Variants in TUBGCP6 observed in about 807,000 individuals in gnomAD.
TUBGCP6 encodes the protein gamma-tubulin complex component 6.
A neutral mutation model predicts 175.8 loss-of-function variants in TUBGCP6; 161 were observed. That is an observed-to-expected ratio of 0.92 (90% CI 0.81 to 1.04). The LOEUF (loss-of-function observed/expected upper bound fraction) is 1.04, where lower values mean the gene tolerates loss of function less well. Among genes scored for constraint, TUBGCP6 ranks in the 50% least tolerant of loss-of-function variants. The pLI is 0.00. For synonymous variants in TUBGCP6, 1,173 were observed against 1,030.5 expected (o/e 1.14, Z -2.65); for missense variants, 2,572 against 2,433.0 (o/e 1.06, Z -1.20).
chr22:50,219,073 CAA>C lies in TUBGCP6; in HGVS notation c.4619_4620del (p.Phe1540Ter), dbSNP rs1280384127. On this transcript the variant is annotated frameshift_variant, in exon 20 of 25. Coordinates refer to ENST00000248846, the MANE Select transcript of TUBGCP6 (RefSeq NM_020461.4). LOFTEE classifies it high-confidence loss of function. ...EFAQSLSDLL[F>X]EKLGAGQTPG... The stretch of plus-strand genomic sequence containing the variant: ...ACCCCGTGTCCGGAGGCCACCTTCT[CAA>C]AGAGCAGGTCGCTGAGGGACTGGGC... The C allele has an allele frequency of 2.5e-6, 4 of 1,612,128 alleles. No homozygotes were observed. The highest frequency in any genetic ancestry group is 2.7e-5 in the African/African-American group (2 of 74,922).
chr22:50,221,863 C>G lies in TUBGCP6; in HGVS notation c.2496G>C (p.Pro832=). The G allele has an allele frequency of 6.6e-7, 1 of 1,513,546 alleles. No homozygotes were observed. Among genetic ancestry groups the G allele is most frequent in the Non-Finnish European group, 8.8e-7 (1 of 1,131,364 alleles). 93.8% of individuals were successfully genotyped at this position (1,513,546 alleles called of 1,614,324 possible). A position where few individuals can be genotyped will look rare whatever the true frequency, so the allele number is the denominator to read the frequency against. ...LLSVHPQVTS[P]GPEHPEGGQG... Reference sequence around the variant, plus strand: ...GGCCTCCCTCTGGGTGCTCAGGGCCCGGAGACGTGACCTGAAACACAGGTG... The same window carrying G: ...GGCCTCCCTCTGGGTGCTCAGGGCCGGGAGACGTGACCTGAAACACAGGTG... The change falls in exon 16 of 25, where the codon CCG becomes CCC. Residue 832 remains proline (P), a synonymous_variant. Coordinates refer to ENST00000248846, the MANE Select transcript of TUBGCP6 (RefSeq NM_020461.4).
chr22:50,226,593 G>T, intron 7 of TUBGCP6, 140 bp downstream of exon 7: 1 of 793,238 alleles, frequency 1.3e-6, no homozygotes, highest in Admixed American at 2.3e-5. Flanking sequence ...GGGGGTTGGG[G>T]GCTCCTGCCC....
rs774687956 is a variant in TUBGCP6, at chr22:50,233,441, G to A, written c.991C>T (p.Leu331Phe). 41 of 1,613,496 alleles carry A rather than the reference G, an allele frequency of 2.5e-5. No homozygotes were observed. The highest frequency in any genetic ancestry group is 3.3e-4 in the Middle Eastern group (2 of 6,076). Reference sequence around the variant, plus strand: ...AGGACGCCCCCAGCAAGCAGCTGGAGCTCCCCTTGGTGGAGCCTGCAGAAC... The same window carrying A: ...AGGACGCCCCCAGCAAGCAGCTGGAACTCCCCTTGGTGGAGCCTGCAGAAC... ...DKFCRLHQGE[L>F]QLLAGGVLQA... is the part of the protein sequence containing the mutation. The change falls in exon 3 of 25, where the codon CTC (leucine) becomes TTC (phenylalanine). Residue 331 changes from leucine (L) to phenylalanine (F), a missense_variant. Coordinates refer to ENST00000248846, the MANE Select transcript of TUBGCP6 (RefSeq NM_020461.4).
chr22:50,217,834 A>C lies in TUBGCP6; in HGVS notation c.5369-7T>G. On this transcript the variant is annotated splice_region_variant and splice_polypyrimidine_tract_variant and intron_variant, in intron 24 of 24. Transcript: ENST00000248846. ...TTCACCAGCTTGGTCACCACTGGGG[A>C]CCAGCGAGCAGCTCAGGCTTTTGCC... 2 of 1,613,112 alleles carry C rather than the reference A, an allele frequency of 1.2e-6. No individual in the cohort carries two copies. Among genetic ancestry groups the C allele is most frequent in the Non-Finnish European group, 1.7e-6 (2 of 1,179,664 alleles).
rs1257246067 is a variant in TUBGCP6 at position 50,227,064 on chromosome 22, G to A, written c.1426C>T (p.Leu476Phe). 9 of 1,611,476 alleles carry A rather than the reference G, an allele frequency of 5.6e-6. No individual in the cohort carries two copies. The highest frequency in any genetic ancestry group is 7.6e-6 in the Non-Finnish European group (9 of 1,179,206). ...LGRQLRYLAELCGVGAVLPGT... is the reference protein window; with the variant it reads ...LGRQLRYLAEFCGVGAVLPGT... The stretch of plus-strand genomic sequence containing the variant: ...GGGAGCACAGCGCCAACGCCACAGA[G>A]CTCGGCCAGGTACCTAGACCCAGAG... Residue 476 changes from leucine to phenylalanine, a missense_variant, in exon 6 of 25, where the codon CTC becomes TTC. Transcript: ENST00000248846.
chr22:50,233,185 G>A, intron 3 of TUBGCP6, 131 bp downstream of exon 3: 1 of 993,154 alleles, frequency 1.0e-6, no homozygotes, highest in East Asian at 2.6e-5. Context: ...TGGTGGCCCT[G>A]GGAGCTGGCC....
chr22:50,227,726 G>A (rs1238481036), intron 5 of TUBGCP6, among the ~76,000 whole-genome samples, 181 bp downstream of exon 5: 1 of 152,198 alleles, frequency 6.6e-6, no homozygotes, highest in African/African-American at 2.4e-5. Flanking sequence ...GCCCACGGCA[G>A]ACACACCCGC....
In TUBGCP6 at chr22:50,244,615, A is replaced by C. The variant is rs940294020; in HGVS notation, c.-156T>G. The C allele has an allele frequency of 3.8e-5, 49 of 1,290,468 alleles. No individual in the cohort carries two copies. The East Asian group carries it at 1.2e-3, about 32-fold the overall frequency. The allele number at this position is 1,290,468 out of a possible 1,614,324, so 79.9% of individuals were successfully genotyped here. On this transcript the variant is annotated 5_prime_UTR_variant, in exon 1 of 25. Coordinates refer to ENST00000248846, the MANE Select transcript of TUBGCP6 (RefSeq NM_020461.4). The stretch of plus-strand genomic sequence containing the variant: ...GCTCAGAACTGGTATTTTTTAAAGG[A>C]GGTCTTGCGGTTGCTCTACTCAGAG...
At chr22:50,222,734 C>T in intron 13 of TUBGCP6, 142 bp from the exon 14 acceptor site, 3 of 1,208,850 alleles carry the variant, frequency 2.5e-6, no homozygotes, top group Non-Finnish European at 3.4e-6. Context: ...GGGCTGATAG[C>T]TCTGGGCCCT....
rs2064467350 is a variant in TUBGCP6 at position 50,219,013 on chromosome 22, T to C, written c.4626+55A>G. ...GGGCTGTGGGCGTGCAGCCAGTCTC[T>C]CTTTTCCCACGGCCTCCCCTCTACC... On this transcript the variant is annotated intron_variant, in intron 20 of 24. Coordinates refer to ENST00000248846, the MANE Select transcript of TUBGCP6 (RefSeq NM_020461.4). 3.1e-6 allele frequency: 5 copies of C among 1,604,454 alleles called. No individual in the cohort carries two copies. In the Admixed American group the frequency reaches 8.4e-5, roughly 27 times the overall value.
At chr22:50,236,068 A>G (rs1050372254) in intron 2 of TUBGCP6, among the ~76,000 whole-genome samples, 1 of 152,206 alleles carries the variant, frequency 6.6e-6, no homozygotes, top group Non-Finnish European at 1.5e-5. Flanking sequence ...TTAAGACGGT[A>G]AAAACATTAT....
intron 2 of TUBGCP6, among the ~76,000 whole-genome samples, chr22:50,239,468 C>T (rs1455287256): frequency 6.6e-6 from 1 of 152,222 alleles, no homozygotes. Context: ...TGAGCCACCG[C>T]GCCCAGGCGA....
chr22:50,237,940 T>C (rs1025745728), intron 2 of TUBGCP6, among the ~76,000 whole-genome samples: 2 of 152,044 alleles, frequency 1.3e-5, no homozygotes, highest in African/African-American at 2.4e-5. Context: ...CTGACCAACA[T>C]GGAGAAACAC....
rs1329824662 is a variant in TUBGCP6 at position 50,244,026 on chromosome 22, T to C, written c.434A>G (p.Tyr145Cys). ...CAGGTCGTCGCAATCATAGCCGCTGTACGGAACGTTTCTCCCCACATGCTT... is the reference window on the plus strand; with the variant it reads ...CAGGTCGTCGCAATCATAGCCGCTGCACGGAACGTTTCTCCCCACATGCTT... ...NNKHVGRNVPYSGYDCDDLSV... is the reference protein window; with the variant it reads ...NNKHVGRNVPCSGYDCDDLSV... The change falls in exon 1 of 25, where the codon TAC (tyrosine) becomes TGC (cysteine). Residue 145 changes from tyrosine to cysteine, a missense_variant. Transcript: ENST00000248846. The C allele has an allele frequency of 6.2e-7, 1 of 1,614,042 alleles. No homozygotes were observed. The highest frequency in any genetic ancestry group is 1.3e-5 in the African/African-American group (1 of 74,952).
chr22:50,243,208 G>C (rs555434420), intron 1 of TUBGCP6, among the ~76,000 whole-genome samples: 1 of 152,156 alleles, frequency 6.6e-6, no homozygotes, highest in Non-Finnish European at 1.5e-5. Flanking sequence ...CCAGCACTTT[G>C]GGAGGCCGAG....
In TUBGCP6 at chr22:50,224,220, C is replaced by CA; in HGVS notation, c.2190dup (p.Asp731Ter). The CA allele has an allele frequency of 6.2e-7, 1 of 1,614,162 alleles. No homozygotes were observed. The highest frequency in any genetic ancestry group is 8.5e-7 in the Non-Finnish European group (1 of 1,180,038). On this transcript the variant is annotated frameshift_variant, in exon 13 of 25. Transcript: ENST00000248846. LOFTEE classifies it high-confidence loss of function. ...CGGAGTTCACGGGCGTAGCTGAAGTCATCATCCAGCTCCTCCTGCCTGGCC... is the reference window on the plus strand; with the variant it reads ...CGGAGTTCACGGGCGTAGCTGAAGTCAATCATCCAGCTCCTCCTGCCTGGCC...
Position 50,229,410 on chromosome 22 carries a change from C to T in TUBGCP6, c.1284G>A (p.Val428=), listed in dbSNP as rs762584412. Residue 428 remains valine (V), a synonymous_variant, in exon 4 of 25, where the codon GTG becomes GTA. Coordinates refer to ENST00000248846, the MANE Select transcript of TUBGCP6 (RefSeq NM_020461.4). The stretch of plus-strand genomic sequence containing the variant: ...CATGAGGCAAAGGCCATACCTGGAA[C>T]ACGAGGCCCTTGCTGTACAAAGAGT... ...VLDSLYSKGL[V]FQAFTSGLRR... 6.2e-7 allele frequency: 1 copy of T among 1,613,434 alleles called. No homozygotes were observed. Among genetic ancestry groups the T allele is most frequent in the South Asian group, 1.1e-5 (1 of 90,992 alleles).
rs771701036 is a variant in TUBGCP6, at chr22:50,219,433, A to G, written c.4339T>C (p.Leu1447=). The change falls in exon 19 of 25, where the codon TTG becomes CTG. Residue 1447 remains leucine (L), a synonymous_variant. Transcript: ENST00000248846. ...SMSEPPIAHL[L]RPVLPRAFAF... Reference sequence around the variant, plus strand: ...AAGGCCCGGGGAAGCACGGGGCGCAAAAGATGAGCAATGGGCGGCTCGGCT... The same window carrying G: ...AAGGCCCGGGGAAGCACGGGGCGCAGAAGATGAGCAATGGGCGGCTCGGCT... 2.0e-5 allele frequency: 31 copies of G among 1,572,552 alleles called. No individual in the cohort carries two copies. The Admixed American group carries it at 5.9e-4, about 30-fold the overall frequency.
At position 50,244,721 on chromosome 22, in the gene TUBGCP6, T is replaced by C; in HGVS notation, c.-262A>G. On this transcript the variant is annotated 5_prime_UTR_variant, in exon 1 of 25. Transcript: ENST00000248846. ...CCAGAAGCCAGCTCGGCGTTTCTTCTAATTCAGTAGCCCTCAACCTTTAGG... is the reference window on the plus strand; with the variant it reads ...CCAGAAGCCAGCTCGGCGTTTCTTCCAATTCAGTAGCCCTCAACCTTTAGG... 1.9e-6 allele frequency: 1 copy of C among 517,028 alleles called. No individual in the cohort carries two copies. Among genetic ancestry groups the C allele is most frequent in the Non-Finnish European group, 3.4e-6 (1 of 293,952 alleles). 32.0% of individuals were successfully genotyped at this position (517,028 alleles called of 1,614,324 possible). A position where few individuals can be genotyped will look rare whatever the true frequency, so the allele number is the denominator to read the frequency against.
Sources: gnomAD v4.1 joint callset for allele counts (sites outside exome capture counted in the v4.1 genomes callset) on GRCh38, gnomAD v4.1.1 for gene constraint, MANE v1.5 for transcripts, NCBI Gene and HGNC (gene_info 2026-07-23, HGNC 2026-07-21) for gene names.